Variants in PIP4P2 observed in about 807,000 individuals in gnomAD.
The protein encoded by PIP4P2 is phosphatidylinositol-4,5-bisphosphate 4-phosphatase 2.
A neutral mutation model predicts 33.3 loss-of-function variants in PIP4P2; 19 were observed. The observed-to-expected ratio is 0.57, with a 90% CI of 0.40 to 0.84. The LOEUF (loss-of-function observed/expected upper bound fraction) is 0.84. Among genes scored for constraint, PIP4P2 ranks in the 40% least tolerant of loss-of-function variants. PIP4P2 has a pLI of 0.00. For missense variants in PIP4P2, 270 were observed against 324.7 expected, an observed-to-expected ratio of 0.83 and a Z score of 1.29; for synonymous variants, 110 against 111.9, an observed-to-expected ratio of 0.98 and a Z score of 0.11.
At chr8:91,015,812 C>T (rs1811908215) in intron 4 of PIP4P2, among the ~76,000 whole-genome samples, 1 of 152,120 alleles carries the variant, frequency 6.6e-6, no homozygotes, top group Admixed American at 6.6e-5. Flanking sequence ...CACCTTAGAA[C>T]TTTCTAAAAG....
intron 1 of PIP4P2, among the ~76,000 whole-genome samples, chr8:91,031,943 A>G (rs1309331667): frequency 1.3e-5 from 2 of 152,034 alleles, no homozygotes; most frequent in African/African-American, 4.8e-5. Flanking sequence ...TTATAGATAT[A>G]TTTTCCTAAG....
At chr8:90,997,936 G>A (rs1053073627) in intron 5 of PIP4P2, among the ~76,000 whole-genome samples, 8 of 151,888 alleles carry the variant, frequency 5.3e-5, no homozygotes, top group African/African-American at 1.7e-4. Context: ...AATATACATC[G>A]TAAATTTTCC....
chr8:90,998,195 T>C (rs1213840460), intron 5 of PIP4P2, among the ~76,000 whole-genome samples: 2 of 152,194 alleles, frequency 1.3e-5, no homozygotes, highest in Non-Finnish European at 2.9e-5. Context: ...GTTTGTAATA[T>C]ACCATTTATT....
intron 4 of PIP4P2, among the ~76,000 whole-genome samples, chr8:91,014,263 G>A (rs954887854): frequency 2.4e-4 from 36 of 152,114 alleles, no homozygotes; most frequent in Non-Finnish European, 4.7e-4. Flanking sequence ...GGTGGAGGCT[G>A]GGGTAAGGAT....
At chr8:91,009,665 G>A (rs571866548) in intron 4 of PIP4P2, among the ~76,000 whole-genome samples, 2 of 151,820 alleles carry the variant, frequency 1.3e-5, no homozygotes, top group South Asian at 2.1e-4. Context: ...TTTTCAGAAG[G>A]CTCAAATTCT....
intron 1 of PIP4P2, among the ~76,000 whole-genome samples, chr8:91,037,805 A>G (rs1216779902): frequency 1.3e-5 from 2 of 152,224 alleles, no homozygotes; most frequent in South Asian, 2.1e-4. Flanking sequence ...CACAGAAAAA[A>G]TCTTATAAAT....
At chr8:91,019,586 G>C (rs1054254773) in intron 3 of PIP4P2, among the ~76,000 whole-genome samples, 1 of 150,978 alleles carries the variant, frequency 6.6e-6, no homozygotes, top group African/African-American at 2.4e-5. Flanking sequence ...AAAAGAGAGA[G>C]ACTAACAGAT....
At position 90,994,899 on chromosome 8, in the gene PIP4P2, T is replaced by G. The variant is rs1303523123; in HGVS notation, c.*778A>C. On this transcript the variant is annotated 3_prime_UTR_variant, in exon 7 of 7. Transcript: ENST00000285419. ...CCTCAAGCCTCTATAAAGGAATACA[T>G]AGAGCTGATAAACATTAAATTCCAT... 1 of 152,100 alleles carries G rather than the reference T, an allele frequency of 6.6e-6. No homozygotes were observed. The highest frequency in any genetic ancestry group is 1.5e-5 in the Non-Finnish European group (1 of 67,956). The allele number at this position is 152,100 out of a possible 1,614,324, so 9.4% of individuals were successfully genotyped here.
intron 4 of PIP4P2, among the ~76,000 whole-genome samples, chr8:91,011,634 T>C (rs1306984678): frequency 6.6e-6 from 1 of 152,084 alleles, no homozygotes; most frequent in African/African-American, 2.4e-5. Flanking sequence ...CCAACGAACA[T>C]GGAACTCTTT....
intron 1 of PIP4P2, among the ~76,000 whole-genome samples, chr8:91,024,762 T>C (rs1215206488): frequency 6.6e-6 from 1 of 152,158 alleles, no homozygotes; most frequent in Non-Finnish European, 1.5e-5. Context: ...TTTTTCTCCA[T>C]GGGGTTTTTC....
chr8:91,011,220 G>A lies in PIP4P2; in HGVS notation c.487-2425C>T, dbSNP rs182145921. 1.2e-3 allele frequency among the ~76,000 whole-genome samples: 186 copies of A among 152,116 alleles called. 2 individuals carry two copies. The highest frequency in any genetic ancestry group is 2.1e-3 in the Non-Finnish European group (142 of 67,924). ...CTAAATTGGCCCACTTCAGGGCAAA[G>A]TTAGAACTAAGTTGTGTTCACTTTT... On this transcript the variant is annotated intron_variant, in intron 4 of 6. Coordinates refer to ENST00000285419, the MANE Select transcript of PIP4P2 (RefSeq NM_018710.3).
At chr8:90,998,006 T>C (rs139435087) in intron 5 of PIP4P2, among the ~76,000 whole-genome samples, 118 of 152,218 alleles carry the variant, frequency 7.8e-4, no homozygotes, top group African/African-American at 2.7e-3. Context: ...TTAATTACTA[T>C]ATTGTACAGC....
At chr8:91,002,242 C>A (rs1811708918) in intron 5 of PIP4P2, among the ~76,000 whole-genome samples, 1 of 152,074 alleles carries the variant, frequency 6.6e-6, no homozygotes. Context: ...GTCATATGAG[C>A]TGAGCTATGC....
chr8:91,040,430 C>CCACCACCACCAT (rs1390050729), intron 1 of PIP4P2, among the ~76,000 whole-genome samples: 3 of 150,890 alleles, frequency 2.0e-5, no homozygotes, highest in Non-Finnish European at 4.4e-5. Context: ...ACCACCACCA[C>CCACCACCACCAT]CACCACCACC....
At position 91,021,335 on chromosome 8, in the gene PIP4P2, C is replaced by G; in HGVS notation, c.176G>C (p.Arg59Pro). 3 of 1,613,828 alleles carry G rather than the reference C, an allele frequency of 1.9e-6. No homozygotes were observed. The highest frequency in any genetic ancestry group is 2.5e-6 in the Non-Finnish European group (3 of 1,179,834). Residue 59 changes from arginine to proline, a missense_variant, in exon 2 of 7, where the codon CGT becomes CCT. Transcript: ENST00000285419. Reference sequence around the variant, plus strand: ...CAAATTGATTAGTGATTGGCACACACGGCAGTTTATTACTGGAATACCACT... The same window carrying G: ...CAAATTGATTAGTGATTGGCACACAGGGCAGTTTATTACTGGAATACCACT... ...DASGIPVINC[R>P]VCQSLINLDG...
At chr8:91,031,092 T>C (rs1800322476) in intron 1 of PIP4P2, among the ~76,000 whole-genome samples, 2 of 152,220 alleles carry the variant, frequency 1.3e-5, no homozygotes, top group Admixed American at 6.5e-5. Context: ...TTCAGGCATG[T>C]CTGATAGTTT....
At chr8:91,000,238 A>G (rs552084265) in intron 5 of PIP4P2, among the ~76,000 whole-genome samples, 2 of 152,034 alleles carry the variant, frequency 1.3e-5, no homozygotes, top group South Asian at 4.1e-4. Flanking sequence ...TTGTTTCTCA[A>G]AACTTATTAG....
intron 1 of PIP4P2, among the ~76,000 whole-genome samples, chr8:91,036,622 A>G (rs1212529138): frequency 6.6e-6 from 1 of 152,204 alleles, no homozygotes; most frequent in African/African-American, 2.4e-5. Flanking sequence ...TATTACAATA[A>G]TCAAGGAAGT....
At chr8:91,002,968 G>A (rs1018628593) in intron 5 of PIP4P2, among the ~76,000 whole-genome samples, 1 of 152,140 alleles carries the variant, frequency 6.6e-6, no homozygotes, top group East Asian at 1.9e-4. Flanking sequence ...GTTAGGCAAA[G>A]ACTAAAAGAA....
Sources: allele counts gnomAD v4.1 joint callset (sites outside exome capture counted in the v4.1 genomes callset), GRCh38; gene constraint gnomAD v4.1.1; transcripts MANE v1.5; gene names NCBI Gene and HGNC (gene_info 2026-07-23, HGNC 2026-07-21).